Variants in FAM83F observed in about 807,000 individuals in gnomAD.
The protein encoded by FAM83F is scaffolding CK1 anchoring protein F.
FAM83F carries 45 observed loss-of-function variants against 42.9 expected under a neutral mutation model. The ratio of observed to expected loss-of-function variants is 1.05; its 90% CI spans 0.83 to 1.35. The LOEUF is 1.35. FAM83F is among the 40% of genes most tolerant of loss of function. The pLI, the probability that FAM83F is intolerant of heterozygous loss-of-function variation, is 0.00. For missense variants in FAM83F, 617 were observed against 695.9 expected (o/e 0.89, Z 1.28); for synonymous variants, 306 against 298.3 (o/e 1.03, Z -0.27).
intron 1 of FAM83F, among the ~76,000 whole-genome samples, chr22:39,996,229 G>A (rs1434605105): frequency 6.6e-6 from 1 of 152,170 alleles, no homozygotes; most frequent in African/African-American, 2.4e-5. Flanking sequence ...TTGAGAGTTG[G>A]AAGGAGGGGC....
At position 40,033,097 on chromosome 22, in the gene FAM83F, T is replaced by G. The variant is rs1402006062; in HGVS notation, c.*3532T>G. On this transcript the variant is annotated 3_prime_UTR_variant, in exon 5 of 5. Coordinates refer to ENST00000333407, the MANE Select transcript of FAM83F (RefSeq NM_138435.4). ...GAAGCGCAAGTAATTGTTTTGTTTTTTTTTTGAGACAATGTCTTGCTCTGT... is the reference window on the plus strand; with the variant it reads ...GAAGCGCAAGTAATTGTTTTGTTTTGTTTTTGAGACAATGTCTTGCTCTGT... 6.6e-6 allele frequency: 1 copy of G among 152,054 alleles called. No individual in the cohort carries two copies. The highest frequency in any genetic ancestry group is 1.5e-5 in the Non-Finnish European group (1 of 68,016). 9.4% of individuals were successfully genotyped at this position (152,054 alleles called of 1,614,324 possible).
In FAM83F at chr22:40,042,044, T is replaced by C. The variant is rs2067653342; in HGVS notation, c.*12479T>C. 1 of 152,094 alleles carries C rather than the reference T, an allele frequency of 6.6e-6. No individual in the cohort carries two copies. Among genetic ancestry groups the C allele is most frequent in the Admixed American group, 6.6e-5 (1 of 15,258 alleles). The allele number at this position is 152,094 out of a possible 1,614,324, so 9.4% of individuals were successfully genotyped here. On this transcript the variant is annotated 3_prime_UTR_variant, in exon 5 of 5. Transcript: ENST00000333407. ...CAACTATTTATTTTCTTTCTTTTTG[T>C]AGAAATGGGCTCTGCCTGTGTTGCT...
intron 1 of FAM83F, among the ~76,000 whole-genome samples, chr22:40,012,451 T>C (rs1167016051): frequency 2.0e-5 from 3 of 152,100 alleles, no homozygotes; most frequent in African/African-American, 7.2e-5. Flanking sequence ...TTGTTTTAAT[T>C]TGAATTTTTC....
chr22:40,008,427 G>A (rs868642242), intron 1 of FAM83F, among the ~76,000 whole-genome samples: 1 of 152,200 alleles, frequency 6.6e-6, no homozygotes, highest in South Asian at 2.1e-4. Context: ...CCGCGCTGTT[G>A]CAGCATCTCA....
chr22:40,017,943 G>A (rs1213073151), intron 1 of FAM83F, among the ~76,000 whole-genome samples: 2 of 152,206 alleles, frequency 1.3e-5, no homozygotes, highest in African/African-American at 2.4e-5. Context: ...CCCCAGAGCC[G>A]AGGACTTTTC....
At chr22:40,010,280 T>G (rs1389339512) in intron 1 of FAM83F, among the ~76,000 whole-genome samples, 1 of 152,140 alleles carries the variant, frequency 6.6e-6, no homozygotes, top group East Asian at 1.9e-4. Context: ...GTGTGGGGAA[T>G]CACGTGCTCA....
In FAM83F at chr22:40,031,923, T is replaced by C. The variant is rs2067590334; in HGVS notation, c.*2358T>C. The C allele has an allele frequency of 6.6e-6, 1 of 152,344 alleles. No homozygotes were observed. The highest frequency in any genetic ancestry group is 1.5e-5 in the Non-Finnish European group (1 of 68,094). The allele number at this position is 152,344 out of a possible 1,614,324, so 9.4% of individuals were successfully genotyped here. On this transcript the variant is annotated 3_prime_UTR_variant, in exon 5 of 5. Coordinates refer to ENST00000333407, the MANE Select transcript of FAM83F (RefSeq NM_138435.4). Reference sequence around the variant, plus strand: ...CACCGGCCCACTCTGTTCTGCCTCTTGGCTTCTCAGCTGTGAGTACGCCTG... The same window carrying C: ...CACCGGCCCACTCTGTTCTGCCTCTCGGCTTCTCAGCTGTGAGTACGCCTG...
chr22:40,017,517 G>A (rs1024197371), intron 1 of FAM83F, among the ~76,000 whole-genome samples: 1 of 152,220 alleles, frequency 6.6e-6, no homozygotes, highest in Non-Finnish European at 1.5e-5. Context: ...ACAGGCGTGA[G>A]ACACCATGCC....
chr22:40,015,406 G>A (rs2067487821), intron 1 of FAM83F, among the ~76,000 whole-genome samples: 1 of 152,172 alleles, frequency 6.6e-6, no homozygotes, highest in Non-Finnish European at 1.5e-5. Flanking sequence ...GAAACATCCA[G>A]AATAATGTTT....
intron 1 of FAM83F, among the ~76,000 whole-genome samples, chr22:40,001,848 C>G (rs948932779): frequency 3.3e-5 from 5 of 152,224 alleles, no homozygotes; most frequent in African/African-American, 1.2e-4. Context: ...TTAGGGAGCC[C>G]CACCCAGGAG....
intron 1 of FAM83F, among the ~76,000 whole-genome samples, chr22:40,014,021 T>TA (rs1422572892): frequency 1.3e-5 from 2 of 151,954 alleles, no homozygotes; most frequent in Non-Finnish European, 2.9e-5. Context: ...TGAATTCTCT[T>TA]ATTAATTCTA....
chr22:40,042,843 G>C lies in FAM83F; in HGVS notation c.*13278G>C, dbSNP rs1435626266. 6.6e-6 allele frequency: 1 copy of C among 152,196 alleles called. No homozygotes were observed. The highest frequency in any genetic ancestry group is 1.5e-5 in the Non-Finnish European group (1 of 68,030). The allele number at this position is 152,196 out of a possible 1,614,324, so 9.4% of individuals were successfully genotyped here. A position where few individuals can be genotyped will look rare whatever the true frequency, so the allele number is the denominator to read the frequency against. On this transcript the variant is annotated 3_prime_UTR_variant, in exon 5 of 5. Coordinates refer to ENST00000333407, the MANE Select transcript of FAM83F (RefSeq NM_138435.4). ...AAGCACCAACTTAAGTGCTAAAATA[G>C]GGGTCCAAGCAACCAACTTTGAAGA...
At chr22:39,998,126 C>T (rs901790927) in intron 1 of FAM83F, among the ~76,000 whole-genome samples, 1 of 152,124 alleles carries the variant, frequency 6.6e-6, no homozygotes, top group African/African-American at 2.4e-5. Flanking sequence ...GGCAGCCTTC[C>T]CTGGCCATTA....
At chr22:40,000,896 C>G (rs1438790383) in intron 1 of FAM83F, among the ~76,000 whole-genome samples, 2 of 152,208 alleles carry the variant, frequency 1.3e-5, no homozygotes, top group African/African-American at 4.8e-5. Context: ...GCCCAGGGAC[C>G]CACAGGCCCC....
At chr22:39,997,947 C>A (rs981698569) in intron 1 of FAM83F, 7 of 152,440 alleles carry the variant, frequency 4.6e-5, no homozygotes, top group Admixed American at 4.6e-4. Context: ...GAGAGGTTGA[C>A]CCTGTTTCAC....
intron 1 of FAM83F, among the ~76,000 whole-genome samples, chr22:40,010,520 G>A (rs1356780030): frequency 1.3e-5 from 2 of 152,188 alleles, no homozygotes; most frequent in African/African-American, 4.8e-5. Context: ...GTCACAGTCC[G>A]ACTCGCGAAA....
intron 4 of FAM83F, among the ~76,000 whole-genome samples, chr22:40,024,606 G>A (rs188011223): frequency 2.8e-4 from 43 of 152,288 alleles, no homozygotes; most frequent in Non-Finnish European, 4.3e-4. Context: ...GGACACATCC[G>A]TCCCCTCCCT....
Position 40,021,073 on chromosome 22 carries a change from T to G in FAM83F, c.780-217T>G, listed in dbSNP as rs570026656. On this transcript the variant is annotated intron_variant, in intron 3 of 4. Transcript: ENST00000333407. This position sits in a 1 kb window ranked among gnomAD's most constrained non-coding sequence, Gnocchi z 8.7. ...TGCAGGCCTGACTTCCCATGCTCTTTCCCTGCACCCACTGCCTGCTTGCTT... is the reference window on the plus strand; with the variant it reads ...TGCAGGCCTGACTTCCCATGCTCTTGCCCTGCACCCACTGCCTGCTTGCTT... Among the ~76,000 whole-genome samples the G allele has an allele frequency of 3.8e-4, 58 of 152,344 alleles. No individual in the cohort carries two copies. The highest frequency in any genetic ancestry group is 1.4e-3 in the African/African-American group (57 of 41,580).
At chr22:40,010,527 G>A (rs779965907) in intron 1 of FAM83F, among the ~76,000 whole-genome samples, 8 of 152,176 alleles carry the variant, frequency 5.3e-5, no homozygotes, top group Non-Finnish European at 1.0e-4. Context: ...TCCGACTCGC[G>A]AAAGCCAGGC....
Sources: gnomAD v4.1 joint callset for allele counts (sites outside exome capture counted in the v4.1 genomes callset) on GRCh38, gnomAD v4.1.1 for gene constraint, Gnocchi (gnomAD v3.1) non-coding constraint, MANE v1.5 for transcripts, NCBI Gene and HGNC (gene_info 2026-07-23, HGNC 2026-07-21) for gene names.